The following PALM2AKAP2 variants were observed in gnomAD, a reference collection of about 807,000 sequenced individuals.
PALM2AKAP2 encodes the protein PALM2-AKAP2 fusion protein.
PALM2AKAP2 carries 37 observed loss-of-function variants against 71.5 expected under a neutral mutation model. The observed-to-expected ratio is 0.52, with a 90% CI of 0.40 to 0.68. PALM2AKAP2 has a LOEUF of 0.68. Among genes scored for constraint, PALM2AKAP2 ranks in the 30% least tolerant of loss-of-function variants. PALM2AKAP2 has a pLI of 0.00. For synonymous variants in PALM2AKAP2, 468 were observed against 478.8 expected (o/e 0.98, Z 0.29); for missense variants, 1,224 against 1,191.8 (o/e 1.03, Z -0.40).
intron 1 of PALM2AKAP2, among the ~76,000 whole-genome samples, chr9:109,752,513 G>A (rs958443414): frequency 6.6e-6 from 1 of 152,106 alleles, no homozygotes; most frequent in East Asian, 1.9e-4. Flanking sequence ...AACATTTCAG[G>A]TAGAGGGAAT....
chr9:109,801,905 G>C (rs1163149510), intron 1 of PALM2AKAP2, among the ~76,000 whole-genome samples: 1 of 152,126 alleles, frequency 6.6e-6, no homozygotes, highest in Non-Finnish European at 1.5e-5. Context: ...CCTTTTCCTG[G>C]ACTAATGAGA....
At chr9:109,677,798 G>A (rs1165269577) in intron 1 of PALM2AKAP2, among the ~76,000 whole-genome samples, 1 of 152,126 alleles carries the variant, frequency 6.6e-6, no homozygotes, top group Non-Finnish European at 1.5e-5. Context: ...CATCACAGTA[G>A]CGGAACAACC....
intron 7 of PALM2AKAP2, among the ~76,000 whole-genome samples, chr9:110,026,644 C>T (rs1833186451): frequency 6.6e-6 from 1 of 152,172 alleles, no homozygotes. Context: ...CCATTCTCTC[C>T]TACTCCAGCT....
intron 1 of PALM2AKAP2, among the ~76,000 whole-genome samples, chr9:110,088,968 C>T (rs773103258): frequency 2.0e-5 from 3 of 152,040 alleles, no homozygotes; most frequent in African/African-American, 7.2e-5. Flanking sequence ...GATCCACCTG[C>T]GTTGGCCTCC....
At chr9:110,165,605 G>A (rs951355409) in intron 3 of PALM2AKAP2, among the ~76,000 whole-genome samples, 2 of 152,118 alleles carry the variant, frequency 1.3e-5, no homozygotes, top group African/African-American at 4.8e-5. Context: ...CATACTAGGG[G>A]AATGAATTAA....
chr9:109,852,001 C>CA (rs1829033957), intron 1 of PALM2AKAP2, among the ~76,000 whole-genome samples: 1 of 152,114 alleles, frequency 6.6e-6, no homozygotes, highest in Non-Finnish European at 1.5e-5. Context: ...AAGACTTAAT[C>CA]CTACCTGGTT....
chr9:109,736,770 A>G (rs916354611), intron 1 of PALM2AKAP2, among the ~76,000 whole-genome samples: 4 of 152,182 alleles, frequency 2.6e-5, no homozygotes, highest in Non-Finnish European at 4.4e-5. Context: ...CTCTCCCGCC[A>G]TCCCACCTTT....
In PALM2AKAP2 at chr9:110,162,010, G is replaced by A. The variant is rs188946222; in HGVS notation, c.2748+5513G>A. ...TTACTTCCCCTCCCATCCTCTTCTG[G>A]TGTGGTGCCTGTTCCCGGCTAGGGG... is the stretch of plus-strand genomic sequence containing the variant. On this transcript the variant is annotated intron_variant, in intron 3 of 3. Transcript: ENST00000374525. 1.0e-4 allele frequency: 156 copies of A among 1,544,500 alleles called. No homozygotes were observed. In the East Asian group the frequency reaches 3.3e-3, roughly 32 times the overall value.
intron 6 of PALM2AKAP2, among the ~76,000 whole-genome samples, chr9:109,992,594 TTC>T (rs1377886802): frequency 6.6e-6 from 1 of 152,136 alleles, no homozygotes; most frequent in Non-Finnish European, 1.5e-5. Context: ...AATTTTTGTA[TTC>T]AAAGTATCTT....
At chr9:109,803,563 G>A (rs1827492355) in intron 1 of PALM2AKAP2, among the ~76,000 whole-genome samples, 1 of 152,214 alleles carries the variant, frequency 6.6e-6, no homozygotes, top group Non-Finnish European at 1.5e-5. Flanking sequence ...TTTGCAAGTA[G>A]TAATAATCAG....
upstream of PALM2AKAP2, among the ~76,000 whole-genome samples, chr9:110,045,213 T>G (rs1833575991): frequency 6.6e-6 from 1 of 152,228 alleles, no homozygotes; most frequent in Non-Finnish European, 1.5e-5. Flanking sequence ...GTGCCCTTGA[T>G]GGTATAGGGC....
chr9:110,011,004 A>ATATATATATAT (rs1451603143), intron 6 of PALM2AKAP2, among the ~76,000 whole-genome samples: 15 of 97,160 alleles, frequency 1.5e-4, no homozygotes, highest in Middle Eastern at 4.9e-3. Flanking sequence ...CTCAAAAAAA[A>ATATATATATAT]AAAAAAAAAA....
intron 2 of PALM2AKAP2, among the ~76,000 whole-genome samples, chr9:109,869,819 T>C (rs1418184277): frequency 6.6e-6 from 1 of 152,158 alleles, no homozygotes; most frequent in Non-Finnish European, 1.5e-5. Context: ...AGATTGGCTA[T>C]CTGAAGGAAC....
chr9:109,848,264 C>T (rs1323623115), intron 1 of PALM2AKAP2, among the ~76,000 whole-genome samples: 1 of 152,184 alleles, frequency 6.6e-6, no homozygotes, highest in Non-Finnish European at 1.5e-5. Flanking sequence ...CCCAGTGTGT[C>T]CAGTGACTTG....
chr9:110,033,207 T>C (rs1353500728), intron 7 of PALM2AKAP2, among the ~76,000 whole-genome samples: 1 of 152,230 alleles, frequency 6.6e-6, no homozygotes, highest in Middle Eastern at 3.2e-3. Flanking sequence ...ATATTAAGTG[T>C]ATCCCATGAG....
intron 6 of PALM2AKAP2, among the ~76,000 whole-genome samples, chr9:110,009,988 G>A (rs114962123): frequency 0.013 from 2,051 of 152,234 alleles, 47 homozygotes; most frequent in African/African-American, 0.046. Flanking sequence ...ACAGATGTTG[G>A]CGCTAAGGAA....
intron 6 of PALM2AKAP2, chr9:109,944,740 A>G (rs916343222): frequency 6.6e-6 from 1 of 152,134 alleles, no homozygotes; most frequent in Non-Finnish European, 1.5e-5. Flanking sequence ...TCTAGAACAC[A>G]ATGAACAGTT....
intron 3 of PALM2AKAP2, among the ~76,000 whole-genome samples, chr9:109,910,294 T>C (rs1005359586): frequency 1.3e-5 from 2 of 152,196 alleles, no homozygotes; most frequent in African/African-American, 4.8e-5. Context: ...AAGATGAGTT[T>C]GGTCCTGTAT....
At chr9:109,763,143 A>G (rs1291525595) in intron 1 of PALM2AKAP2, among the ~76,000 whole-genome samples, 3 of 152,168 alleles carry the variant, frequency 2.0e-5, no homozygotes, top group Non-Finnish European at 2.9e-5. Context: ...AGAGAGTTGG[A>G]CAGGTTAACA....
Sources: gnomAD v4.1 joint callset for allele counts (sites outside exome capture counted in the v4.1 genomes callset) on GRCh38, gnomAD v4.1.1 for gene constraint, MANE v1.5 for transcripts, NCBI Gene and HGNC (gene_info 2026-07-23, HGNC 2026-07-21) for gene names.